Variants in EYS observed in about 807,000 individuals in gnomAD.
The protein encoded by EYS is protein eyes shut homolog.
In EYS, 250 loss-of-function variants were observed where a neutral mutation model predicts 282.1. That is an observed-to-expected ratio of 0.89 (90% CI 0.80 to 0.98). The LOEUF (loss-of-function observed/expected upper bound fraction) is 0.98, where lower values mean the gene tolerates loss of function less well. Ranked by LOEUF, EYS falls within the 50% of genes least tolerant of loss-of-function variation. The pLI is 0.00. For missense variants in EYS, 4,016 were observed against 3,709.0 expected (o/e 1.08, Z -2.15); for synonymous variants, 1,355 against 1,282.9 (o/e 1.06, Z -1.20).
At chr6:64,034,031 G>A (rs1240533863) in intron 33 of EYS, among the ~76,000 whole-genome samples, 1 of 152,114 alleles carries the variant, frequency 6.6e-6, no homozygotes, top group Non-Finnish European at 1.5e-5. Context: ...AAAACAAAGG[G>A]AAGTAAAAAT....
At chr6:64,048,436 A>G (rs1343767215) in intron 33 of EYS, among the ~76,000 whole-genome samples, 1 of 151,982 alleles carries the variant, frequency 6.6e-6, no homozygotes, top group Non-Finnish European at 1.5e-5. Flanking sequence ...AGGGAGGAAA[A>G]TGACCGTGCC....
Position 65,038,244 on chromosome 6 carries a change from T to C in EYS, c.2137+19370A>G, listed in dbSNP as rs73765726. Among the ~76,000 whole-genome samples, 963 of 151,706 alleles carry C rather than the reference T, an allele frequency of 6.3e-3. 18 individuals are homozygous for C. Among genetic ancestry groups the C allele is most frequent in the African/African-American group, 0.021 (862 of 41,514 alleles). On this transcript the variant is annotated intron_variant, in intron 13 of 42. Transcript: ENST00000503581. ...TTTTTAAAGATATAATACATTTTCA[T>C]AAACAGAAAATTCCTTCTGTCCCCT...
chr6:65,061,383 G>T (rs992667729), intron 12 of EYS, among the ~76,000 whole-genome samples: 6 of 151,828 alleles, frequency 4.0e-5, no homozygotes, highest in Non-Finnish European at 8.8e-5. Context: ...TTTTAAAATA[G>T]ACTTTAATTT....
At chr6:65,123,851 A>G (rs1220300825) in intron 12 of EYS, among the ~76,000 whole-genome samples, 1 of 152,048 alleles carries the variant, frequency 6.6e-6, no homozygotes, top group Non-Finnish European at 1.5e-5. Flanking sequence ...AAATTCTGAA[A>G]TGGTGAAAAC....
At chr6:64,808,004 TCCTC>T (rs1406939951) in intron 22 of EYS, among the ~76,000 whole-genome samples, 35 of 149,746 alleles carry the variant, frequency 2.3e-4, no homozygotes, top group African/African-American at 8.6e-4. Flanking sequence ...CTTACTTCCT[TCCTC>T]CCTCCCTCCT....
intron 5 of EYS, among the ~76,000 whole-genome samples, chr6:65,445,729 T>C (rs549767026): frequency 1.8e-4 from 27 of 151,802 alleles, no homozygotes; most frequent in Non-Finnish European, 3.5e-4. Context: ...AGAAATAATA[T>C]ATCATGTTTT....
At chr6:65,604,606 AAAAT>A (rs753580392) in intron 2 of EYS, among the ~76,000 whole-genome samples, 53 of 152,052 alleles carry the variant, frequency 3.5e-4, no homozygotes, top group Non-Finnish European at 3.4e-4. Context: ...ATTTTACATT[AAAAT>A]AAATAAATTT....
intron 31 of EYS, among the ~76,000 whole-genome samples, chr6:64,086,103 T>C (rs907668894): frequency 1.3e-5 from 2 of 152,166 alleles, no homozygotes; most frequent in Non-Finnish European, 2.9e-5. Context: ...CTGTCTTGAG[T>C]CCTCTAATCA....
intron 2 of EYS, among the ~76,000 whole-genome samples, chr6:65,596,639 G>T (rs1475340768): frequency 1.3e-5 from 2 of 151,730 alleles, no homozygotes; most frequent in Non-Finnish European, 2.9e-5. Flanking sequence ...AATGCAGGAA[G>T]AATTTTTTTT....
rs1480961229 is a variant in EYS at position 64,089,542 on chromosome 6, AAACTT to A, written c.6425-7545_6425-7541del. On this transcript the variant is annotated intron_variant, in intron 31 of 42. Coordinates refer to ENST00000503581, the MANE Select transcript of EYS (RefSeq NM_001142800.2). ...TAATATAGTATATATAAATTATACT[AAACTT>A]TTTTACCACATTATACATTTTTGCT... 2.9e-5 allele frequency among the ~76,000 whole-genome samples: 4 copies of A among 138,250 alleles called. No homozygotes were observed. In the East Asian group the frequency reaches 9.7e-4, roughly 33 times the overall value. 90.7% of individuals were successfully genotyped at this position (138,250 alleles called of 152,430 possible).
chr6:64,260,242 C>G (rs1464644029), intron 30 of EYS, among the ~76,000 whole-genome samples: 3 of 152,042 alleles, frequency 2.0e-5, no homozygotes, highest in Non-Finnish European at 4.4e-5. Context: ...GCAGGACATG[C>G]AGTTAGAAGC....
At chr6:64,393,558 A>T (rs1396592454) in intron 28 of EYS, among the ~76,000 whole-genome samples, 3 of 152,152 alleles carry the variant, frequency 2.0e-5, no homozygotes, top group Non-Finnish European at 4.4e-5. Context: ...AGATGCAGAA[A>T]AGGCCTTTGA....
chr6:65,112,313 A>AT (rs1383830231), intron 12 of EYS, among the ~76,000 whole-genome samples: 2 of 152,186 alleles, frequency 1.3e-5, no homozygotes, highest in African/African-American at 2.4e-5. Context: ...GATTTGCTGT[A>AT]TATATGACCT....
chr6:65,293,263 A>AG (rs1768575952), intron 12 of EYS, among the ~76,000 whole-genome samples: 1 of 45,096 alleles, frequency 2.2e-5, no homozygotes, highest in Non-Finnish European at 4.3e-5. Flanking sequence ...AATATTAACT[A>AG]AAAAAAAAAA....
At chr6:64,107,926 A>G (rs1431692117) in intron 31 of EYS, among the ~76,000 whole-genome samples, 1 of 152,056 alleles carries the variant, frequency 6.6e-6, no homozygotes, top group Non-Finnish European at 1.5e-5. Context: ...TAGGTGGGAA[A>G]GGATAGTTGG....
chr6:63,833,954 T>G (rs561863065), intron 36 of EYS, among the ~76,000 whole-genome samples: 2 of 152,230 alleles, frequency 1.3e-5, no homozygotes, highest in South Asian at 2.1e-4. Context: ...AAACAAGCAA[T>G]GGGGAAAGGA....
chr6:64,451,149 G>C (rs1775321430), intron 26 of EYS, among the ~76,000 whole-genome samples: 1 of 152,000 alleles, frequency 6.6e-6, no homozygotes, highest in African/African-American at 2.4e-5. Flanking sequence ...GAATCAAATA[G>C]ATGCAATAAA....
intron 35 of EYS, among the ~76,000 whole-genome samples, chr6:63,910,878 C>A (rs1442710402): frequency 6.6e-6 from 1 of 151,774 alleles, no homozygotes; most frequent in African/African-American, 2.4e-5. Context: ...GAAGTTATGG[C>A]AAAATTATTT....
At chr6:65,657,299 T>C (rs1767860792) in intron 1 of EYS, among the ~76,000 whole-genome samples, 1 of 151,818 alleles carries the variant, frequency 6.6e-6, no homozygotes, top group Non-Finnish European at 1.5e-5. Flanking sequence ...GTTTAAGAAA[T>C]AAATTTCATA....
Sources: gnomAD v4.1 joint callset for allele counts (sites outside exome capture counted in the v4.1 genomes callset) on GRCh38, gnomAD v4.1.1 for gene constraint, MANE v1.5 for transcripts, NCBI Gene and HGNC (gene_info 2026-07-23, HGNC 2026-07-21) for gene names.